The following GAD2 variants were observed in gnomAD, a reference collection of about 807,000 sequenced individuals.
The protein encoded by GAD2 is 65 kDa glutamic acid decarboxylase.
A neutral mutation model predicts 80.1 loss-of-function variants in GAD2; 22 were observed. That is an observed-to-expected ratio of 0.27 (90% CI 0.20 to 0.39). The LOEUF is 0.39. Among genes scored for constraint, GAD2 ranks in the 10% least tolerant of loss-of-function variants. GAD2 has a pLI of 1.00. For synonymous variants in GAD2, 274 were observed against 256.9 expected (o/e 1.07, Z -0.64); for missense variants, 624 against 738.4 (o/e 0.85, Z 1.80).
chr10:26,261,831 A>G (rs551174179), intron 8 of GAD2, among the ~76,000 whole-genome samples: 45 of 152,086 alleles, frequency 3.0e-4, no homozygotes, highest in African/African-American at 1.0e-3. Context: ...GTTGTCTTTC[A>G]TAAAATGCCT....
intron 7 of GAD2, among the ~76,000 whole-genome samples, chr10:26,236,699 A>G (rs1171149155): frequency 1.3e-5 from 2 of 152,256 alleles, no homozygotes; most frequent in African/African-American, 4.8e-5. Context: ...GTTTGGAAAC[A>G]GGGCTGTTTG....
In GAD2 at chr10:26,286,348, T is replaced by C. The variant is rs531559223; in HGVS notation, c.1240T>C (p.Leu414=). The C allele has an allele frequency of 2.1e-5, 34 of 1,613,024 alleles. No individual in the cohort carries two copies. In the South Asian group the frequency reaches 3.3e-4, roughly 16 times the overall value. ...AATTTTCTCTTCTCTCTTGTAGGGA[T>C]TGATGCAGAATTGCAACCAAATGCA... ...CSALLVREEG[L]MQNCNQMHAS... The change falls in exon 13 of 16, where the codon TTG becomes CTG. Residue 414 remains leucine, a synonymous_variant. Transcript: ENST00000376261.
chr10:26,241,447 C>T (rs528935935), intron 7 of GAD2, among the ~76,000 whole-genome samples: 7 of 152,274 alleles, frequency 4.6e-5, no homozygotes, highest in Non-Finnish European at 7.3e-5. Context: ...TCCTCTCCAG[C>T]ATGATGTGCT....
chr10:26,236,064 G>A (rs113833371), intron 7 of GAD2, among the ~76,000 whole-genome samples: 9,913 of 152,144 alleles, frequency 0.065, 1,046 homozygotes, highest in African/African-American at 0.22. Flanking sequence ...GCCCCTTGTG[G>A]CTTCGACCCA....
chr10:26,221,374 T>C (rs988924087), intron 4 of GAD2, among the ~76,000 whole-genome samples: 3 of 152,152 alleles, frequency 2.0e-5, no homozygotes, highest in African/African-American at 7.2e-5. Flanking sequence ...ATTGTTAAAA[T>C]TACCTCTGTA....
chr10:26,216,801 C>T lies in GAD2; in HGVS notation c.-9C>T, dbSNP rs1187863044. On this transcript the variant is annotated 5_prime_UTR_variant, in exon 1 of 16. Coordinates refer to ENST00000376261, the MANE Select transcript of GAD2 (RefSeq NM_001134366.2). The surrounding 1 kb of genome is among the most constrained non-coding windows in gnomAD (Gnocchi z 4.7). ...ACTCGCAGGCGACCTGCTCCAGTCT[C>T]CAAAGCCGATGGCATCTCCGGGCTC... 6.2e-7 allele frequency: 1 copy of T among 1,611,482 alleles called. No homozygotes were observed.
chr10:26,274,922 G>A (rs1589150438), intron 11 of GAD2, among the ~76,000 whole-genome samples: 3 of 152,192 alleles, frequency 2.0e-5, no homozygotes, highest in Admixed American at 1.3e-4. Context: ...TGAGCACAGC[G>A]GTGTTAAGGC....
intron 7 of GAD2, among the ~76,000 whole-genome samples, chr10:26,234,608 T>G (rs1463620157): frequency 6.6e-6 from 1 of 152,236 alleles, no homozygotes; most frequent in Non-Finnish European, 1.5e-5. Context: ...GGTTTTATCA[T>G]GTACTAGTTG....
chr10:26,229,359 G>A (rs553771362), intron 6 of GAD2, among the ~76,000 whole-genome samples: 6 of 152,082 alleles, frequency 3.9e-5, no homozygotes, highest in African/African-American at 1.4e-4. Flanking sequence ...ATGCTCACAA[G>A]CTGGGATGGA....
chr10:26,266,856 C>T (rs939269048), intron 8 of GAD2, among the ~76,000 whole-genome samples: 2 of 152,158 alleles, frequency 1.3e-5, no homozygotes, highest in Non-Finnish European at 2.9e-5. Flanking sequence ...AAACAGGTTT[C>T]CTATATGTTT....
At chr10:26,261,308 G>A (rs926762043) in intron 8 of GAD2, among the ~76,000 whole-genome samples, 2 of 152,082 alleles carry the variant, frequency 1.3e-5, no homozygotes, top group Admixed American at 6.6e-5. Flanking sequence ...TATTATTTAA[G>A]TAGTTGACTT....
chr10:26,241,741 T>C (rs1035430134), intron 7 of GAD2, among the ~76,000 whole-genome samples: 2 of 152,178 alleles, frequency 1.3e-5, no homozygotes, highest in African/African-American at 4.8e-5. Flanking sequence ...TTGAGGTATT[T>C]TGGAAAACTC....
intron 8 of GAD2, 70 bp from the exon 9 acceptor site, chr10:26,269,049 C>A: frequency 2.5e-6 from 3 of 1,176,550 alleles, no homozygotes; most frequent in South Asian, 1.5e-5. Context: ...TACCCTCCTG[C>A]GGCCACTTAC....
chr10:26,217,723 C>A lies in GAD2; in HGVS notation c.136+54C>A. ...GGTCGGCCCGCGGGGTCCAAGCAGT[C>A]TTCTCACCTCCGCATCCCAGTCAGC... is the stretch of plus-strand genomic sequence containing the variant. On this transcript the variant is annotated intron_variant, in intron 2 of 15. Transcript: ENST00000376261. The surrounding 1 kb of genome is among the most constrained non-coding windows in gnomAD (Gnocchi z 4.9). 6.3e-7 allele frequency: 1 copy of A among 1,599,472 alleles called. No homozygotes were observed.
intron 7 of GAD2, among the ~76,000 whole-genome samples, chr10:26,245,170 GA>G (rs1844790076): frequency 2.4e-5 from 3 of 126,422 alleles, no homozygotes; most frequent in Non-Finnish European, 4.9e-5. Flanking sequence ...AAAAAAAAAA[GA>G]AAAAAGAAAA....
At chr10:26,232,749 C>T (rs370878953) in intron 7 of GAD2, among the ~76,000 whole-genome samples, 4 of 152,222 alleles carry the variant, frequency 2.6e-5, no homozygotes, top group East Asian at 1.9e-4. Flanking sequence ...GTGATCCATC[C>T]GCCTTCACCT....
intron 7 of GAD2, among the ~76,000 whole-genome samples, chr10:26,240,167 C>T (rs1000714639): frequency 1.3e-5 from 2 of 152,194 alleles, no homozygotes; most frequent in Non-Finnish European, 2.9e-5. Flanking sequence ...CTACCACTCA[C>T]CTTACTCTCC....
In GAD2 at chr10:26,217,008, C is replaced by T; in HGVS notation, c.76+123C>T. 1 of 817,502 alleles carries T rather than the reference C, an allele frequency of 1.2e-6. No individual in the cohort carries two copies. Among genetic ancestry groups the T allele is most frequent in the Non-Finnish European group, 2.0e-6 (1 of 511,934 alleles). 50.6% of individuals were successfully genotyped at this position (817,502 alleles called of 1,614,324 possible). On this transcript the variant is annotated intron_variant, in intron 1 of 15. Transcript: ENST00000376261. This position sits in a 1 kb window ranked among gnomAD's most constrained non-coding sequence, Gnocchi z 4.9. ...CAGGAAACTTCTTCGGGCGCTTCTC[C>T]CTGCTTTTGGGCTAAGTCCTTGACG... is the stretch of plus-strand genomic sequence containing the variant.
In GAD2 at chr10:26,218,070, G is replaced by T. The variant is rs41304609; in HGVS notation, c.286+79G>T. ...CCACCGCGGCCGGTGCGGGTCCGGC[G>T]CTGAGAGCCGGACAGGGGCGTCGAG... On this transcript the variant is annotated intron_variant, in intron 3 of 15. Transcript: ENST00000376261. The T allele has an allele frequency of 7.6e-6, 11 of 1,443,982 alleles. No individual in the cohort carries two copies. In the East Asian group the frequency reaches 2.4e-4, roughly 32 times the overall value. The allele number at this position is 1,443,982 out of a possible 1,614,324, so 89.4% of individuals were successfully genotyped here.
Sources: allele counts gnomAD v4.1 joint callset (sites outside exome capture counted in the v4.1 genomes callset), GRCh38; gene constraint gnomAD v4.1.1; non-coding constraint Gnocchi (gnomAD v3.1); transcripts MANE v1.5; gene names NCBI Gene and HGNC (gene_info 2026-07-23, HGNC 2026-07-21).